The following NHS variants were observed in gnomAD, a reference collection of about 807,000 sequenced individuals.
NHS encodes the protein NHS actin remodeling regulator, also known as actin remodeling regulator NHS.
Under a neutral mutation model 72.5 loss-of-function variants are expected in NHS, and 5 were observed. That is an observed-to-expected ratio of 0.07 (90% CI 0.04 to 0.14). The LOEUF (loss-of-function observed/expected upper bound fraction) is 0.14. NHS is among the 10% of genes least tolerant of loss of function. The probability of loss-of-function intolerance (pLI) is 1.00; values close to 1 mark genes in which losing one functional copy is unlikely to be tolerated. For synonymous variants in NHS, 464 were observed against 547.7 expected, an observed-to-expected ratio of 0.85 and a Z score of 2.13; for missense variants, 1,072 against 1,355.7, an observed-to-expected ratio of 0.79 and a Z score of 3.29.
At chrX:17,377,718 A>C (rs1435809123) in intron 1 of NHS, among the ~76,000 whole-genome samples, 2 of 113,462 alleles carry the variant, frequency 1.8e-5, no homozygotes, top group Non-Finnish European at 3.7e-5. Flanking sequence ...TTTCTGCAAT[A>C]ACAATAGTAA....
intron 1 of NHS, among the ~76,000 whole-genome samples, chrX:17,377,911 T>C (rs1797347445): frequency 8.9e-6 from 1 of 112,385 alleles, no homozygotes; most frequent in African/African-American, 3.2e-5. Context: ...TAATCCTGCC[T>C]CCTTTTTACC....
At chrX:17,472,098 C>A (rs908469234) in intron 1 of NHS, among the ~76,000 whole-genome samples, 1 of 111,318 alleles carries the variant, frequency 9.0e-6, no homozygotes, top group Admixed American at 9.6e-5. Context: ...CTTTGGTTTG[C>A]AATATGATAG....
intron 1 of NHS, among the ~76,000 whole-genome samples, chrX:17,409,433 A>T (rs1426808717): frequency 3.7e-5 from 4 of 108,788 alleles, no homozygotes; most frequent in Non-Finnish European, 7.6e-5. Flanking sequence ...TGTCAATTAC[A>T]GACAGGTGCT....
chrX:17,616,779 T>A (rs747452146), intron 1 of NHS, among the ~76,000 whole-genome samples: 44 of 112,642 alleles, frequency 3.9e-4, no homozygotes, highest in Non-Finnish European at 7.1e-4. Flanking sequence ...GGATTTAATA[T>A]CAGCCTGTAC....
intron 1 of NHS, among the ~76,000 whole-genome samples, chrX:17,543,025 G>A (rs774795794): frequency 1.8e-5 from 2 of 111,719 alleles, no homozygotes; most frequent in East Asian, 5.6e-4. Flanking sequence ...TTTATCCTCT[G>A]GGGGAGGTGG....
chrX:17,575,546 T>G (rs1387338268), intron 1 of NHS, among the ~76,000 whole-genome samples: 1 of 112,215 alleles, frequency 8.9e-6, no homozygotes, highest in Non-Finnish European at 1.9e-5. Context: ...CCTCCATGTT[T>G]TCTGTATCTC....
intron 3 of NHS, among the ~76,000 whole-genome samples, chrX:17,706,636 C>T (rs2066297893): frequency 9.0e-6 from 1 of 111,562 alleles, no homozygotes; most frequent in South Asian, 3.8e-4. Context: ...ATGCTTAGTG[C>T]AGAGCTTCTT....
chrX:17,453,043 T>C (rs1320854048), intron 1 of NHS, among the ~76,000 whole-genome samples: 3 of 112,373 alleles, frequency 2.7e-5, no homozygotes, highest in Non-Finnish European at 5.6e-5. Flanking sequence ...TATTTAGCTG[T>C]AGTTAAACCA....
At chrX:17,597,284 TAA>T (rs2147047436) in intron 1 of NHS, among the ~76,000 whole-genome samples, 1 of 109,529 alleles carries the variant, frequency 9.1e-6, no homozygotes, top group East Asian at 2.9e-4. Context: ...CATGCCTGGC[TAA>T]TTTTATTTTT....
At chrX:17,599,218 A>G (rs917986568) in intron 1 of NHS, among the ~76,000 whole-genome samples, 3 of 111,979 alleles carry the variant, frequency 2.7e-5, no homozygotes, top group Non-Finnish European at 5.6e-5. Flanking sequence ...TGGTGAACAC[A>G]TGGATATAGT....
chrX:17,383,566 T>C (rs1304402107), intron 1 of NHS, among the ~76,000 whole-genome samples: 1 of 112,079 alleles, frequency 8.9e-6, no homozygotes, highest in East Asian at 2.8e-4. Context: ...CAAGCACATC[T>C]TCACATGGTG....
intron 1 of NHS, among the ~76,000 whole-genome samples, chrX:17,442,163 A>T (rs1297198527): frequency 8.9e-6 from 1 of 112,641 alleles, no homozygotes; most frequent in African/African-American, 3.2e-5. Flanking sequence ...ATTAGTCAGG[A>T]TAGGTTAACT....
chrX:17,538,948 C>A (rs1441392429), intron 1 of NHS, among the ~76,000 whole-genome samples: 1 of 112,117 alleles, frequency 8.9e-6, no homozygotes, highest in Non-Finnish European at 1.9e-5. Flanking sequence ...TTCAGCCAGG[C>A]TTTTTGGCTT....
At position 17,375,967 on chromosome X, in the gene NHS, G is replaced by A; in HGVS notation, c.210G>A (p.Pro70=). ...CTGCACCTTCAGGGCTGCCACCGCC[G>A]CCGCCGCCACTGCCCGCGCCGGCCG... ...AVPAPSGLPP[P]PPPLPAPADQ... is the part of the protein sequence containing the mutation. Residue 70 remains proline, a synonymous_variant, in exon 1 of 9, where the codon CCG becomes CCA. Transcript: ENST00000676302. 9.3e-7 allele frequency: 1 copy of A among 1,074,813 alleles called. No individual in the cohort carries two copies. The highest frequency in any genetic ancestry group is 1.2e-6 in the Non-Finnish European group (1 of 831,908). 88.6% of individuals were successfully genotyped at this position (1,074,813 alleles called of 1,213,427 possible). A position where few individuals can be genotyped will look rare whatever the true frequency, so the allele number is the denominator to read the frequency against.
rs12856921 is a variant in NHS at position 17,641,771 on chromosome X, A to G, written c.566-45971A>G. ...CCCAAGTGTGTCTATTTAAAAAAAA[A>G]AAAAGAAAAGAAAAAAACAAACTTC... On this transcript the variant is annotated intron_variant, in intron 1 of 8. Coordinates refer to ENST00000676302, the MANE Select transcript of NHS (RefSeq NM_001291867.2). Among the ~76,000 whole-genome samples the G allele has an allele frequency of 3.0e-3, 336 of 110,807 alleles. 1 individual carries two copies. Among genetic ancestry groups the G allele is most frequent in the Middle Eastern group, 4.6e-3 (1 of 217 alleles).
intron 1 of NHS, among the ~76,000 whole-genome samples, chrX:17,538,376 G>C (rs1401369787): frequency 9.0e-6 from 1 of 111,494 alleles, no homozygotes; most frequent in African/African-American, 3.3e-5. Flanking sequence ...GGCCTGGAGA[G>C]GTAACACAGG....
intron 1 of NHS, among the ~76,000 whole-genome samples, chrX:17,558,311 A>G (rs1455588765): frequency 8.9e-6 from 1 of 112,366 alleles, no homozygotes; most frequent in Non-Finnish European, 1.9e-5. Flanking sequence ...TCCACAATGT[A>G]CATCATAATC....
At chrX:17,578,556 G>A (rs1252492516) in intron 1 of NHS, among the ~76,000 whole-genome samples, 2 of 112,229 alleles carry the variant, frequency 1.8e-5, no homozygotes, top group African/African-American at 6.5e-5. Flanking sequence ...TGCATAGGGT[G>A]TATGGATTCA....
At chrX:17,441,222 C>T (rs1248655531) in intron 1 of NHS, among the ~76,000 whole-genome samples, 6 of 112,522 alleles carry the variant, frequency 5.3e-5, no homozygotes, top group East Asian at 2.8e-4. Context: ...TCCTGGTGCT[C>T]TGCACCTACC....
Sources: allele counts gnomAD v4.1 joint callset (sites outside exome capture counted in the v4.1 genomes callset), GRCh38; gene constraint gnomAD v4.1.1; transcripts MANE v1.5; gene names NCBI Gene and HGNC (gene_info 2026-07-23, HGNC 2026-07-21).